Variants in ZFPM2 observed in about 807,000 individuals in gnomAD.
ZFPM2 encodes zinc finger protein ZFPM2.
In ZFPM2, 20 loss-of-function variants were observed where a neutral mutation model predicts 98.6. That is an observed-to-expected ratio of 0.20 (90% CI 0.14 to 0.29). ZFPM2 has a LOEUF of 0.29. Ranked by LOEUF, ZFPM2 falls within the 10% of genes least tolerant of loss-of-function variation. ZFPM2 has a pLI of 1.00. For missense variants in ZFPM2, 1,310 were observed against 1,388.6 expected (o/e 0.94, Z 0.90); for synonymous variants, 518 against 502.7 (o/e 1.03, Z -0.41).
At chr8:105,652,663 G>C (rs1398224713) in intron 5 of ZFPM2, among the ~76,000 whole-genome samples, 2 of 152,046 alleles carry the variant, frequency 1.3e-5, no homozygotes, top group African/African-American at 4.8e-5. Flanking sequence ...GCTACGTTTA[G>C]CTTGTGCAGT....
At chr8:105,375,418 A>G (rs1810705568) in intron 1 of ZFPM2, among the ~76,000 whole-genome samples, 1 of 152,264 alleles carries the variant, frequency 6.6e-6, no homozygotes, top group African/African-American at 2.4e-5. Flanking sequence ...AAAGATAGGC[A>G]AAGGGAGAAA....
intron 4 of ZFPM2, among the ~76,000 whole-genome samples, chr8:105,615,285 C>T (rs1221470680): frequency 6.6e-6 from 1 of 152,006 alleles, no homozygotes; most frequent in East Asian, 1.9e-4. Context: ...ATCTGGGGTG[C>T]ACAGTCTCAG....
chr8:105,464,791 C>A (rs1208273372), intron 3 of ZFPM2, among the ~76,000 whole-genome samples: 2 of 151,910 alleles, frequency 1.3e-5, no homozygotes, highest in Non-Finnish European at 2.9e-5. Flanking sequence ...TCAGTCTGGG[C>A]AAACAATGTC....
At chr8:105,708,092 T>A (rs1177718620) in intron 5 of ZFPM2, among the ~76,000 whole-genome samples, 3 of 152,192 alleles carry the variant, frequency 2.0e-5, no homozygotes, top group African/African-American at 7.2e-5. Context: ...TTAGGAGGGA[T>A]CTGACAGTTT....
At chr8:105,424,306 G>C (rs1189898755) in intron 2 of ZFPM2, among the ~76,000 whole-genome samples, 1 of 152,136 alleles carries the variant, frequency 6.6e-6, no homozygotes, top group East Asian at 1.9e-4. Flanking sequence ...TGCTATCAAA[G>C]TTGCTTTGGG....
chr8:105,773,920 CT>C (rs1170287231), intron 5 of ZFPM2, among the ~76,000 whole-genome samples: 1 of 152,022 alleles, frequency 6.6e-6, no homozygotes, highest in Non-Finnish European at 1.5e-5. Flanking sequence ...TAAAAATAAT[CT>C]CTATGACTGA....
chr8:105,799,589 T>C (rs1813938611), intron 7 of ZFPM2, among the ~76,000 whole-genome samples: 2 of 152,228 alleles, frequency 1.3e-5, no homozygotes, highest in African/African-American at 2.4e-5. Flanking sequence ...AGGTGGCAAC[T>C]GTTTCTATTT....
At chr8:105,722,793 C>T (rs1811698817) in intron 5 of ZFPM2, among the ~76,000 whole-genome samples, 1 of 151,680 alleles carries the variant, frequency 6.6e-6, no homozygotes, top group South Asian at 2.1e-4. Context: ...GCAGGAGAGG[C>T]AGGCACACTG....
At chr8:105,708,355 C>T (rs1811308882) in intron 5 of ZFPM2, among the ~76,000 whole-genome samples, 1 of 152,072 alleles carries the variant, frequency 6.6e-6, no homozygotes, top group African/African-American at 2.4e-5. Context: ...TTAAAAACAG[C>T]TTCACTGTTC....
chr8:105,696,457 T>C (rs1334807425), intron 5 of ZFPM2, among the ~76,000 whole-genome samples: 1 of 152,194 alleles, frequency 6.6e-6, no homozygotes, highest in Non-Finnish European at 1.5e-5. Flanking sequence ...AAACTGAGGA[T>C]TATGACCAGA....
rs770200538 is a variant in ZFPM2, at chr8:105,332,713, G to A, written c.40+13732G>A. 4.6e-5 allele frequency among the ~76,000 whole-genome samples: 7 copies of A among 151,704 alleles called. No individual in the cohort carries two copies. In the East Asian group the frequency reaches 7.8e-4, roughly 17 times the overall value. The stretch of plus-strand genomic sequence containing the variant: ...TGTGGGCATTGAGGTTCATAAGCGC[G>A]TCAGGTTAAGCCTCTAGGATGAGGT... On this transcript the variant is annotated intron_variant, in intron 1 of 7. Transcript: ENST00000407775.
intron 5 of ZFPM2, among the ~76,000 whole-genome samples, chr8:105,676,855 CTT>C (rs1182335829): frequency 1.3e-5 from 2 of 151,946 alleles, no homozygotes; most frequent in Non-Finnish European, 2.9e-5. Flanking sequence ...GTGAATGAAA[CTT>C]TAAACTTGTC....
At chr8:105,379,217 G>A (rs918740111) in intron 1 of ZFPM2, among the ~76,000 whole-genome samples, 43 of 152,070 alleles carry the variant, frequency 2.8e-4, no homozygotes, top group African/African-American at 9.9e-4. Context: ...TAATTGCTGT[G>A]TATTATTACA....
intron 5 of ZFPM2, among the ~76,000 whole-genome samples, chr8:105,754,138 G>A (rs1175081632): frequency 1.3e-5 from 2 of 152,078 alleles, no homozygotes; most frequent in South Asian, 4.1e-4. Flanking sequence ...CTAGTGAGAT[G>A]GGTGGGGTTT....
rs1563546914 is a variant in ZFPM2, at chr8:105,746,654, A to ATTTTTTTTTTTTTTTTTTTTTTTTTT, written c.533-42064_533-42063insTTTTTTTTTTTTTTTTTTTTTTTTTT. The stretch of plus-strand genomic sequence containing the variant: ...TGCGTTTTCTTGTTCTGTTTTTAAA[A>ATTTTTTTTTTTTTTTTTTTTTTTTTT]ATTTTTTTTTTTTTTTTTTTTTTGG... On this transcript the variant is annotated intron_variant, in intron 5 of 7. Transcript: ENST00000407775. Among the ~76,000 whole-genome samples, 3 of 112,050 alleles carry ATTTTTTTTTTTTTTTTTTTTTTTTTT rather than the reference A, an allele frequency of 2.7e-5. 1 individual carries two copies. Among genetic ancestry groups the ATTTTTTTTTTTTTTTTTTTTTTTTTT allele is most frequent in the Non-Finnish European group, 3.7e-5 (2 of 54,000 alleles). 73.5% of individuals were successfully genotyped at this position (112,050 alleles called of 152,430 possible). A position where few individuals can be genotyped will look rare whatever the true frequency, so the allele number is the denominator to read the frequency against.
At chr8:105,641,458 GC>G (rs780329127) in intron 5 of ZFPM2, among the ~76,000 whole-genome samples, 3 of 151,900 alleles carry the variant, frequency 2.0e-5, no homozygotes, top group Non-Finnish European at 4.4e-5. Flanking sequence ...TGTAAAAATG[GC>G]TGCTTTTTAA....
chr8:105,475,637 A>T (rs1812998628), intron 3 of ZFPM2, among the ~76,000 whole-genome samples: 1 of 152,226 alleles, frequency 6.6e-6, no homozygotes. Flanking sequence ...ACAAATTTCA[A>T]TGTGAATTAG....
chr8:105,639,788 T>A (rs974340894), intron 5 of ZFPM2, among the ~76,000 whole-genome samples: 1 of 152,018 alleles, frequency 6.6e-6, no homozygotes, highest in African/African-American at 2.4e-5. Flanking sequence ...ATATCGTATT[T>A]ATAGCGAAGA....
chr8:105,494,408 T>A (rs1813420698), intron 3 of ZFPM2, among the ~76,000 whole-genome samples: 2 of 151,592 alleles, frequency 1.3e-5, no homozygotes, highest in South Asian at 4.2e-4. Flanking sequence ...ACGTTGTCTC[T>A]CTCCTCTCTT....
Sources: allele counts gnomAD v4.1 joint callset (sites outside exome capture counted in the v4.1 genomes callset), GRCh38; gene constraint gnomAD v4.1.1; transcripts MANE v1.5; gene names NCBI Gene and HGNC (gene_info 2026-07-23, HGNC 2026-07-21).